Variants in NRXN3 observed in about 807,000 individuals in gnomAD.
NRXN3 encodes the protein neurexin III.
Under a neutral mutation model 137.6 loss-of-function variants are expected in NRXN3, and 32 were observed. The observed-to-expected ratio is 0.23, with a 90% CI of 0.18 to 0.31. The LOEUF (loss-of-function observed/expected upper bound fraction) is 0.31, where lower values mean the gene tolerates loss of function less well. Among genes scored for constraint, NRXN3 ranks in the 10% least tolerant of loss-of-function variants. The probability of loss-of-function intolerance (pLI) is 1.00; values close to 1 mark genes in which losing one functional copy is unlikely to be tolerated. For missense variants in NRXN3, 1,574 were observed against 2,062.5 expected, an observed-to-expected ratio of 0.76 and a Z score of 4.59; for synonymous variants, 798 against 784.5, an observed-to-expected ratio of 1.02 and a Z score of -0.29.
chr14:79,207,528 T>G (rs779014666), intron 15 of NRXN3, among the ~76,000 whole-genome samples: 2 of 152,148 alleles, frequency 1.3e-5, no homozygotes, highest in Non-Finnish European at 2.9e-5. Flanking sequence ...GAGTTCAGAA[T>G]AGGGGCAGTG....
intron 19 of NRXN3, among the ~76,000 whole-genome samples, chr14:79,773,544 C>T (rs975235440): frequency 9.6e-4 from 142 of 147,474 alleles, no homozygotes; most frequent in Non-Finnish European, 3.4e-4. Context: ...AACCAAACAC[C>T]GCATATTCTC....
At chr14:78,665,970 T>G (rs1302491691) in intron 6 of NRXN3, among the ~76,000 whole-genome samples, 5 of 152,166 alleles carry the variant, frequency 3.3e-5, no homozygotes, top group Non-Finnish European at 7.3e-5. Context: ...GAAAGTGAGG[T>G]GTCCCTCTAT....
chr14:78,787,833 AT>A (rs1322999730), intron 8 of NRXN3, among the ~76,000 whole-genome samples: 1 of 152,160 alleles, frequency 6.6e-6, no homozygotes, highest in African/African-American at 2.4e-5. Context: ...TTAACTTTGG[AT>A]TTTTGAATGC....
At chr14:79,021,771 AT>A (rs2099590082) in intron 15 of NRXN3, among the ~76,000 whole-genome samples, 1 of 152,244 alleles carries the variant, frequency 6.6e-6, no homozygotes, top group Non-Finnish European at 1.5e-5. Flanking sequence ...TAGAACTCTT[AT>A]AAAGGGTCTT....
At chr14:79,723,849 A>G (rs1473080702) in intron 19 of NRXN3, among the ~76,000 whole-genome samples, 1 of 152,134 alleles carries the variant, frequency 6.6e-6, no homozygotes, top group East Asian at 1.9e-4. Flanking sequence ...AACGGCAATC[A>G]GTGGAGCTGA....
chr14:78,472,780 G>T (rs942397265), intron 4 of NRXN3, among the ~76,000 whole-genome samples: 1 of 152,138 alleles, frequency 6.6e-6, no homozygotes, highest in African/African-American at 2.4e-5. Context: ...AAGGACAGGG[G>T]CTCCCTATTC....
rs79584041 is a variant in NRXN3 at position 78,656,596 on chromosome 14, G to A, written c.1221+5270G>A. On this transcript the variant is annotated intron_variant, in intron 6 of 20. Transcript: ENST00000335750. Reference sequence around the variant, plus strand: ...CCTTGGACTTTGTTCTCTAGGTAACGGGGGAGCCATTGAAGGACCTTATGC... The same window carrying A: ...CCTTGGACTTTGTTCTCTAGGTAACAGGGGAGCCATTGAAGGACCTTATGC... Among the ~76,000 whole-genome samples the A allele has an allele frequency of 7.6e-4, 115 of 152,214 alleles. 2 individuals are homozygous for A. In the South Asian group the frequency reaches 0.019, roughly 25 times the overall value.
At chr14:78,719,853 G>C (rs190162345) in intron 8 of NRXN3, among the ~76,000 whole-genome samples, 1 of 151,890 alleles carries the variant, frequency 6.6e-6, no homozygotes, top group Non-Finnish European at 1.5e-5. Context: ...AAAAAGAAAA[G>C]AAAATAGTGA....
At chr14:79,232,801 A>G (rs972035545) in intron 15 of NRXN3, among the ~76,000 whole-genome samples, 17 of 152,168 alleles carry the variant, frequency 1.1e-4, no homozygotes, top group African/African-American at 4.1e-4. Context: ...ACACAAACCC[A>G]AGTGCAAGAA....
intron 4 of NRXN3, among the ~76,000 whole-genome samples, chr14:78,594,974 G>A (rs12437435): frequency 6.6e-6 from 1 of 152,020 alleles, no homozygotes. Flanking sequence ...GACTCTTTAC[G>A]GCAGTTCTGA....
chr14:79,263,721 C>CT (rs913817530), intron 15 of NRXN3, among the ~76,000 whole-genome samples: 26 of 151,998 alleles, frequency 1.7e-4, no homozygotes, highest in Admixed American at 1.6e-3. Flanking sequence ...AATCTTTGGA[C>CT]TTTTTTTCCA....
At chr14:78,563,159 T>C (rs576002260) in intron 4 of NRXN3, among the ~76,000 whole-genome samples, 3 of 152,300 alleles carry the variant, frequency 2.0e-5, no homozygotes, top group South Asian at 2.1e-4. Flanking sequence ...AAACTATTCT[T>C]AGAAAACCAG....
chr14:78,531,484 T>G (rs977010441), intron 4 of NRXN3, among the ~76,000 whole-genome samples: 5 of 152,224 alleles, frequency 3.3e-5, no homozygotes, highest in Non-Finnish European at 5.9e-5. Context: ...TCTCAAAACC[T>G]TGGCCTGAGA....
At chr14:78,313,913 C>T (rs571829510) in intron 4 of NRXN3, among the ~76,000 whole-genome samples, 39 of 152,230 alleles carry the variant, frequency 2.6e-4, no homozygotes, top group Non-Finnish European at 5.1e-4. Context: ...TCCCTTTCCT[C>T]TCGACAGTAA....
At chr14:78,995,745 A>G (rs2153091550) in intron 15 of NRXN3, among the ~76,000 whole-genome samples, 1 of 152,344 alleles carries the variant, frequency 6.6e-6, no homozygotes, top group African/African-American at 2.4e-5. Context: ...TGTCAAATTT[A>G]TTTAACTCCA....
chr14:78,172,922 C>A (rs2058872997), intron 1 of NRXN3, among the ~76,000 whole-genome samples: 1 of 152,040 alleles, frequency 6.6e-6, no homozygotes, highest in Admixed American at 6.6e-5. Flanking sequence ...GTTCTGGCCT[C>A]CGTTTTTGTT....
intron 15 of NRXN3, among the ~76,000 whole-genome samples, chr14:79,410,582 A>G (rs2095403183): frequency 6.6e-6 from 1 of 152,024 alleles, no homozygotes; most frequent in Non-Finnish European, 1.5e-5. Context: ...CTTGGTTTGA[A>G]TTCTTGCTCC....
At chr14:78,516,331 G>A (rs1188022794) in intron 4 of NRXN3, among the ~76,000 whole-genome samples, 1 of 94,246 alleles carries the variant, frequency 1.1e-5, no homozygotes, top group Admixed American at 1.1e-4. Context: ...TCTAATAGTT[G>A]TTATCCCTTT....
intron 4 of NRXN3, among the ~76,000 whole-genome samples, chr14:78,351,782 C>CTTTTTTTTTTTT (rs11423743): frequency 2.3e-5 from 3 of 127,868 alleles, no homozygotes; most frequent in Non-Finnish European, 3.3e-5. Context: ...TGGTATTTTT[C>CTTTTTTTTTTTT]TTTTTTTTTT....
Sources: allele counts gnomAD v4.1 joint callset (sites outside exome capture counted in the v4.1 genomes callset), GRCh38; gene constraint gnomAD v4.1.1; transcripts MANE v1.5; gene names NCBI Gene and HGNC (gene_info 2026-07-23, HGNC 2026-07-21).